Variants in C12orf42 observed in about 807,000 individuals in gnomAD.
C12orf42 encodes uncharacterized protein C12orf42.
A neutral mutation model predicts 21.6 loss-of-function variants in C12orf42; 25 were observed. The ratio of observed to expected loss-of-function variants is 1.16; its 90% CI spans 0.84 to 1.62. C12orf42 has a LOEUF of 1.62. C12orf42 is among the 40% of genes most tolerant of loss of function. The pLI is 0.00. For missense variants in C12orf42, 483 were observed against 459.3 expected, an observed-to-expected ratio of 1.05 and a Z score of -0.47; for synonymous variants, 174 against 175.0, an observed-to-expected ratio of 0.99 and a Z score of 0.05.
At chr12:103,173,596 A>G in the C12orf42 span, among the ~76,000 whole-genome samples, 1 of 151,622 alleles carries the variant, frequency 6.6e-6, no homozygotes, top group African/African-American at 2.4e-5. Context: ...TTTATGGAGA[A>G]ATCACCAAAG....
chr12:103,496,374 A>G (rs1163384497), upstream of C12orf42, among the ~76,000 whole-genome samples: 1 of 152,206 alleles, frequency 6.6e-6, no homozygotes, highest in Non-Finnish European at 1.5e-5. Flanking sequence ...CAGGGGGCAG[A>G]GCAAGGCTGT....
At chr12:103,478,898 A>G (rs1285335169) in intron 1 of C12orf42, among the ~76,000 whole-genome samples, 1 of 152,166 alleles carries the variant, frequency 6.6e-6, no homozygotes, top group East Asian at 1.9e-4. Context: ...GTTAATTCCA[A>G]AAAATATGTC....
chr12:103,192,399 A>G, the C12orf42 span, among the ~76,000 whole-genome samples: 1 of 151,510 alleles, frequency 6.6e-6, no homozygotes, highest in African/African-American at 2.4e-5. Flanking sequence ...GCCACTCAGG[A>G]GGCTGAGGCA....
intron 5 of C12orf42, 45 bp from the exon 6 acceptor site, chr12:103,302,604 G>A: frequency 6.6e-7 from 1 of 1,521,946 alleles, no homozygotes; most frequent in Non-Finnish European, 8.8e-7. Flanking sequence ...AGGCTCAAGC[G>A]TGCGGGACCA....
the C12orf42 span, among the ~76,000 whole-genome samples, chr12:103,553,096 G>A: frequency 6.6e-6 from 1 of 152,116 alleles, no homozygotes; most frequent in Non-Finnish European, 1.5e-5. Context: ...ATCAGGAGCT[G>A]AGTAATTATT....
chr12:103,076,289 CTT>C, the C12orf42 span, among the ~76,000 whole-genome samples: 1,604 of 140,470 alleles, frequency 0.011, 11 homozygotes, highest in South Asian at 0.02. Context: ...TTACCCAAGC[CTT>C]TTTTTTTTTT....
chr12:103,301,613 T>C (rs1485270661), downstream of C12orf42, among the ~76,000 whole-genome samples: 1 of 152,184 alleles, frequency 6.6e-6, no homozygotes. Context: ...AAATCCTTAA[T>C]ACGACATGAA....
At chr12:103,082,354 A>G in the C12orf42 span, among the ~76,000 whole-genome samples, 2 of 152,212 alleles carry the variant, frequency 1.3e-5, no homozygotes, top group Non-Finnish European at 2.9e-5. Context: ...GGAATGTATG[A>G]TTACGCTACA....
chr12:103,098,409 T>C, the C12orf42 span, among the ~76,000 whole-genome samples: 1 of 152,198 alleles, frequency 6.6e-6, no homozygotes, highest in African/African-American at 2.4e-5. Flanking sequence ...CAAATGACAT[T>C]TGTGTAGGTC....
chr12:103,387,894 T>C (rs1318681936), intron 3 of C12orf42, among the ~76,000 whole-genome samples: 1 of 152,206 alleles, frequency 6.6e-6, no homozygotes, highest in Non-Finnish European at 1.5e-5. Flanking sequence ...TTCCCTTCCC[T>C]TTCCTCTCTC....
the C12orf42 span, among the ~76,000 whole-genome samples, chr12:103,546,013 G>C: frequency 1.3e-5 from 2 of 152,320 alleles, no homozygotes; most frequent in South Asian, 4.1e-4. Flanking sequence ...CAGATATTAA[G>C]TGGGTGGTTT....
the C12orf42 span, chr12:103,504,605 G>C: frequency 8.4e-3 from 1,275 of 152,666 alleles, 12 homozygotes; most frequent in Non-Finnish European, 0.011. Context: ...CTGTTGGTCA[G>C]GCACCAGCTG....
At chr12:103,119,084 T>C in the C12orf42 span, among the ~76,000 whole-genome samples, 4 of 152,180 alleles carry the variant, frequency 2.6e-5, no homozygotes, top group African/African-American at 9.7e-5. Context: ...CTTGCCAGAT[T>C]TCTCTGCTCC....
chr12:103,278,706 T>C (rs1234780210), intron 4 of C12orf42, among the ~76,000 whole-genome samples: 5 of 152,218 alleles, frequency 3.3e-5, no homozygotes, highest in Admixed American at 3.3e-4. Flanking sequence ...AATAGCAACG[T>C]GGACATTTCA....
In C12orf42 at chr12:103,306,208, G is replaced by T. The variant is rs376898243; in HGVS notation, c.397C>A (p.Pro133Thr). 6.2e-6 allele frequency: 10 copies of T among 1,613,830 alleles called. No homozygotes were observed. Among genetic ancestry groups the T allele is most frequent in the Non-Finnish European group, 6.8e-6 (8 of 1,179,890 alleles). Reference protein sequence around the residue: ...SYEEFRSSPAPSSETDEAPLI... With the variant: ...SYEEFRSSPATSSETDEAPLI... ...GGGGCCTCATCAGTTTCACTGGATG[G>T]TGCTGGAGAGGAACGGAATTCTTCA... Residue 133 changes from proline to threonine, a missense_variant, in exon 5 of 6, where the codon CCA becomes ACA. Coordinates refer to ENST00000548883, the MANE Select transcript of C12orf42 (RefSeq NM_198521.5).
chr12:103,158,605 G>T, the C12orf42 span, among the ~76,000 whole-genome samples: 1 of 152,156 alleles, frequency 6.6e-6, no homozygotes, highest in Non-Finnish European at 1.5e-5. Context: ...TGATGGCTAG[G>T]TGTGGTGGCT....
the C12orf42 span, among the ~76,000 whole-genome samples, chr12:103,193,137 A>G: frequency 6.6e-6 from 1 of 152,204 alleles, no homozygotes; most frequent in African/African-American, 2.4e-5. Context: ...ACATTCATCA[A>G]TAACCAATGG....
upstream of C12orf42, among the ~76,000 whole-genome samples, chr12:103,496,725 A>G (rs1359369465): frequency 6.6e-6 from 1 of 152,028 alleles, no homozygotes; most frequent in Non-Finnish European, 1.5e-5. Context: ...TCACAGGACC[A>G]AAAGAAAGTG....
chr12:103,536,391 C>T, the C12orf42 span, among the ~76,000 whole-genome samples: 1 of 151,782 alleles, frequency 6.6e-6, no homozygotes, highest in African/African-American at 2.4e-5. Context: ...GGAAACAGAA[C>T]TGGGCTGAGA....
Sources: allele counts gnomAD v4.1 joint callset (sites outside exome capture counted in the v4.1 genomes callset), GRCh38; gene constraint gnomAD v4.1.1; transcripts MANE v1.5; gene names NCBI Gene and HGNC (gene_info 2026-07-23, HGNC 2026-07-21).